Variants in CCSER1 observed in about 807,000 individuals in gnomAD.
The protein encoded by CCSER1 is serine-rich coiled-coil domain-containing protein 1.
In CCSER1, 41 loss-of-function variants were observed where a neutral mutation model predicts 82.0. That is an observed-to-expected ratio of 0.50 (90% CI 0.39 to 0.65). CCSER1 has a LOEUF of 0.65. Ranked by LOEUF, CCSER1 falls within the 30% of genes least tolerant of loss-of-function variation. The pLI is 0.00. For synonymous variants in CCSER1, 414 were observed against 383.9 expected, an observed-to-expected ratio of 1.08 and a Z score of -0.92; for missense variants, 1,119 against 1,064.2, an observed-to-expected ratio of 1.05 and a Z score of -0.72.
At chr4:91,387,705 G>A (rs1193134206) in intron 10 of CCSER1, among the ~76,000 whole-genome samples, 1 of 151,452 alleles carries the variant, frequency 6.6e-6, no homozygotes, top group African/African-American at 2.4e-5. Flanking sequence ...ATAGATTAAG[G>A]GGAACAAGGA....
intron 10 of CCSER1, among the ~76,000 whole-genome samples, chr4:91,147,897 C>T (rs1338303966): frequency 6.6e-6 from 1 of 152,182 alleles, no homozygotes; most frequent in Non-Finnish European, 1.5e-5. Context: ...ACTGCCTAGG[C>T]AGGAAATTCT....
intron 3 of CCSER1, among the ~76,000 whole-genome samples, chr4:90,345,539 T>C (rs1275715946): frequency 6.6e-6 from 1 of 152,044 alleles, no homozygotes; most frequent in Non-Finnish European, 1.5e-5. Context: ...TGCTTGAAAA[T>C]ATGCAGTATG....
intron 10 of CCSER1, among the ~76,000 whole-genome samples, chr4:91,387,828 G>T (rs974942146): frequency 4.6e-5 from 7 of 151,994 alleles, no homozygotes; most frequent in African/African-American, 1.7e-4. Flanking sequence ...AAAAGTTCTT[G>T]AAGGAGCATT....
At chr4:91,275,054 C>T (rs1183411822) in intron 10 of CCSER1, among the ~76,000 whole-genome samples, 6 of 151,680 alleles carry the variant, frequency 4.0e-5, no homozygotes, top group South Asian at 4.2e-4. Context: ...TGCAGTGAGC[C>T]GAGATCGCGC....
chr4:90,997,688 A>C (rs189192870), intron 9 of CCSER1, among the ~76,000 whole-genome samples: 62 of 152,298 alleles, frequency 4.1e-4, no homozygotes, highest in Non-Finnish European at 7.5e-4. Context: ...GAGAATGTAC[A>C]TATAAGTTGC....
At chr4:90,281,668 CCA>C (rs1456624229) in intron 1 of CCSER1, among the ~76,000 whole-genome samples, 1 of 151,924 alleles carries the variant, frequency 6.6e-6, no homozygotes, top group Non-Finnish European at 1.5e-5. Context: ...TGAATTACTG[CCA>C]TTCTCAAGTC....
chr4:90,519,346 A>T (rs1270098938), intron 5 of CCSER1, among the ~76,000 whole-genome samples: 1 of 151,906 alleles, frequency 6.6e-6, no homozygotes, highest in Non-Finnish European at 1.5e-5. Flanking sequence ...TTTTCCCAGA[A>T]AAAATGAAAT....
intron 8 of CCSER1, among the ~76,000 whole-genome samples, chr4:90,825,408 C>G (rs1760279722): frequency 6.6e-6 from 1 of 152,000 alleles, no homozygotes; most frequent in Non-Finnish European, 1.5e-5. Context: ...ATCAAGATTC[C>G]AGTACTTAGA....
chr4:90,706,334 A>C (rs975700156), intron 6 of CCSER1, among the ~76,000 whole-genome samples: 1 of 152,168 alleles, frequency 6.6e-6, no homozygotes, highest in Non-Finnish European at 1.5e-5. Context: ...TAATCCCAGC[A>C]CTTTTGGAGG....
intron 1 of CCSER1, among the ~76,000 whole-genome samples, chr4:90,189,191 T>G (rs1057151700): frequency 6.6e-6 from 1 of 151,932 alleles, no homozygotes; most frequent in African/African-American, 2.4e-5. Flanking sequence ...GAAGGAAGTA[T>G]GTATTTAGAA....
chr4:91,190,921 G>T (rs1202582252), intron 10 of CCSER1, among the ~76,000 whole-genome samples: 1 of 152,114 alleles, frequency 6.6e-6, no homozygotes, highest in Non-Finnish European at 1.5e-5. Context: ...TACTACCTCA[G>T]TTTTCTCACC....
intron 6 of CCSER1, among the ~76,000 whole-genome samples, chr4:90,705,955 A>T (rs1739263012): frequency 1.3e-5 from 2 of 152,152 alleles, no homozygotes; most frequent in Admixed American, 6.5e-5. Flanking sequence ...GCTTCAGCTT[A>T]CGCTTGTTGG....
chr4:90,380,456 T>G (rs1749029605), intron 3 of CCSER1, among the ~76,000 whole-genome samples: 2 of 152,224 alleles, frequency 1.3e-5, no homozygotes, highest in Admixed American at 1.3e-4. Flanking sequence ...ATTGGTGTCT[T>G]CATATACTTT....
At chr4:90,745,168 A>T (rs1051123372) in intron 7 of CCSER1, among the ~76,000 whole-genome samples, 1 of 152,044 alleles carries the variant, frequency 6.6e-6, no homozygotes. Context: ...GCTATAAGGG[A>T]CAGTTTGTTT....
intron 6 of CCSER1, among the ~76,000 whole-genome samples, chr4:90,703,854 A>G (rs1316124452): frequency 6.6e-6 from 1 of 151,184 alleles, no homozygotes; most frequent in Non-Finnish European, 1.5e-5. Context: ...CTTTATTTTG[A>G]GTCTATGTGT....
At chr4:90,338,091 C>T (rs983283010) in intron 3 of CCSER1, among the ~76,000 whole-genome samples, 10 of 152,126 alleles carry the variant, frequency 6.6e-5, no homozygotes, top group African/African-American at 2.4e-4. Flanking sequence ...CTCATAGAAA[C>T]ACTTTTGACT....
intron 1 of CCSER1, among the ~76,000 whole-genome samples, chr4:90,236,876 G>A (rs1489323948): frequency 6.6e-6 from 1 of 152,044 alleles, no homozygotes; most frequent in East Asian, 1.9e-4. Flanking sequence ...ATGTGTGTAT[G>A]TGTGTATATT....
chr4:90,536,758 C>T (rs375160391), intron 5 of CCSER1, among the ~76,000 whole-genome samples: 1 of 152,160 alleles, frequency 6.6e-6, no homozygotes, highest in Non-Finnish European at 1.5e-5. Context: ...TAATCTTTTT[C>T]ACCATTGTTT....
chr4:91,346,986 G>A (rs1318763102), intron 10 of CCSER1, among the ~76,000 whole-genome samples: 2 of 151,250 alleles, frequency 1.3e-5, no homozygotes, highest in Non-Finnish European at 2.9e-5. Flanking sequence ...TAGTTTTAAT[G>A]AGCTTCAACT....
Sources: allele counts gnomAD v4.1 joint callset (sites outside exome capture counted in the v4.1 genomes callset), GRCh38; gene constraint gnomAD v4.1.1; transcripts MANE v1.5; gene names NCBI Gene and HGNC (gene_info 2026-07-23, HGNC 2026-07-21).